MAP4K3: variants seen among roughly 807,000 people sequenced by gnomAD.
The protein encoded by MAP4K3 is MAPK/ERK kinase kinase kinase 3.
MAP4K3 carries 94 observed loss-of-function variants against 143.5 expected under a neutral mutation model. The observed-to-expected ratio is 0.65, with a 90% CI of 0.55 to 0.78. The LOEUF (loss-of-function observed/expected upper bound fraction) is 0.78. Ranked by LOEUF, MAP4K3 falls within the 30% of genes least tolerant of loss-of-function variation. The pLI, the probability that MAP4K3 is intolerant of heterozygous loss-of-function variation, is 0.00. For synonymous variants in MAP4K3, 416 were observed against 347.2 expected (o/e 1.20, Z -2.20); for missense variants, 1,077 against 1,068.1 (o/e 1.01, Z -0.12).
intron 7 of MAP4K3, 121 bp from the exon 8 acceptor site, chr2:39,332,110 T>A: frequency 2.0e-6 from 1 of 504,370 alleles, no homozygotes. Flanking sequence ...ATACGGGATA[T>A]TCTCAAACAT....
At chr2:39,345,340 C>A in intron 3 of MAP4K3, among the ~76,000 whole-genome samples, 1 of 151,910 alleles carries the variant, frequency 6.6e-6, no homozygotes, top group Non-Finnish European at 1.5e-5. Context: ...TTATTTGAGC[C>A]CAGGAGTTCG....
chr2:39,327,718 A>G (rs892690910), intron 8 of MAP4K3, among the ~76,000 whole-genome samples: 49 of 151,664 alleles, frequency 3.2e-4, no homozygotes, highest in African/African-American at 1.1e-3. Flanking sequence ...TTAAATTACT[A>G]TAAGAAAAGC....
chr2:39,255,917 T>C (rs1573058019), intron 31 of MAP4K3, among the ~76,000 whole-genome samples: 1 of 152,194 alleles, frequency 6.6e-6, no homozygotes, highest in South Asian at 2.1e-4. Flanking sequence ...GTGGATTAAC[T>C]GAAGAACTGG....
chr2:39,254,311 G>A lies in MAP4K3; in HGVS notation c.2541+139C>T, dbSNP rs921505938. On this transcript the variant is annotated intron_variant, in intron 32 of 33. Coordinates refer to ENST00000263881, the MANE Select transcript of MAP4K3 (RefSeq NM_003618.4). ...AGGTGGACATAGAGTATGGGCTACT[G>A]ACTTTATCAATAGACTAAATACAGT... 1.1e-5 allele frequency: 7 copies of A among 638,816 alleles called. No individual in the cohort carries two copies. The East Asian group carries it at 1.6e-4, about 15-fold the overall frequency. The allele number at this position is 638,816 out of a possible 1,614,324, so 39.6% of individuals were successfully genotyped here.
intron 16 of MAP4K3, chr2:39,294,157 C>T (rs757115246): frequency 5.9e-5 from 9 of 152,122 alleles, no homozygotes; most frequent in Non-Finnish European, 1.3e-4. Flanking sequence ...GTTTTACTCT[C>T]CCTAAAAGTT....
intron 15 of MAP4K3, among the ~76,000 whole-genome samples, chr2:39,304,881 G>C (rs1682642513): frequency 1.3e-5 from 2 of 152,130 alleles, no homozygotes; most frequent in Non-Finnish European, 2.9e-5. Flanking sequence ...GCCTTAAAAA[G>C]GAAATTCTGA....
At chr2:39,299,898 C>T in intron 15 of MAP4K3, 97 bp from the exon 16 acceptor site, 1 of 439,936 alleles carries the variant, frequency 2.3e-6, no homozygotes, top group Admixed American at 4.3e-5. Flanking sequence ...AAAGATAAGT[C>T]CCAGACCCCC....
intron 28 of MAP4K3, among the ~76,000 whole-genome samples, chr2:39,264,621 G>GT (rs1211160592): frequency 6.6e-6 from 1 of 152,112 alleles, no homozygotes; most frequent in Non-Finnish European, 1.5e-5. Flanking sequence ...AATTCATTTG[G>GT]TATTTCCTTG....
Position 39,333,444 on chromosome 2 carries a change from G to A in MAP4K3, c.457+88C>T, listed in dbSNP as rs964462141. ...AATACACAGATGCCGTCTTAGGAGA[G>A]GGAAAACCTGGTCCTACAAAGGAAA... On this transcript the variant is annotated intron_variant, in intron 7 of 33. Coordinates refer to ENST00000263881, the MANE Select transcript of MAP4K3 (RefSeq NM_003618.4). 29 of 998,344 alleles carry A rather than the reference G, an allele frequency of 2.9e-5. No individual in the cohort carries two copies. In the African/African-American group the frequency reaches 3.7e-4, roughly 13 times the overall value. The allele number at this position is 998,344 out of a possible 1,614,324, so 61.8% of individuals were successfully genotyped here. A position where few individuals can be genotyped will look rare whatever the true frequency, so the allele number is the denominator to read the frequency against.
chr2:39,422,692 G>GTTTC (rs1667580744), intron 1 of MAP4K3, among the ~76,000 whole-genome samples: 2 of 152,084 alleles, frequency 1.3e-5, no homozygotes, highest in Admixed American at 1.3e-4. Context: ...AATAGTACTG[G>GTTTC]AACAACTGTA....
chr2:39,308,585 A>C (rs1357148311), intron 14 of MAP4K3, among the ~76,000 whole-genome samples: 1 of 152,174 alleles, frequency 6.6e-6, no homozygotes. Flanking sequence ...AAAATGAAAC[A>C]GACATCATAT....
intron 6 of MAP4K3, among the ~76,000 whole-genome samples, chr2:39,333,817 T>A (rs1683765005): frequency 6.6e-6 from 1 of 152,162 alleles, no homozygotes; most frequent in Non-Finnish European, 1.5e-5. Flanking sequence ...ATAGTATGAA[T>A]GTTAATATAA....
rs553820945 is a variant in MAP4K3 at position 39,408,464 on chromosome 2, G to A, written c.96+28428C>T. Among the ~76,000 whole-genome samples, 15 of 152,284 alleles carry A rather than the reference G, an allele frequency of 9.9e-5. No homozygotes were observed. In the South Asian group the frequency reaches 3.1e-3, roughly 32 times the overall value. On this transcript the variant is annotated intron_variant, in intron 1 of 33. Coordinates refer to ENST00000263881, the MANE Select transcript of MAP4K3 (RefSeq NM_003618.4). The stretch of plus-strand genomic sequence containing the variant: ...CACCAACAGAGAGAATGTCATGAAT[G>A]TCTGGAAGAATTTCATCATTGAAGA...
chr2:39,333,717 T>A (rs1683756705), intron 6 of MAP4K3, 143 bp from the exon 7 acceptor site: 1 of 489,088 alleles, frequency 2.0e-6, no homozygotes, highest in Non-Finnish European at 3.6e-6. Context: ...TGTCGTATCA[T>A]TAGAGTCATA....
chr2:39,260,974 A>G (rs889789900), intron 28 of MAP4K3, 197 bp from the exon 29 acceptor site: 7 of 489,858 alleles, frequency 1.4e-5, no homozygotes, highest in Non-Finnish European at 2.2e-5. Flanking sequence ...TAAAGTTATA[A>G]TTACATGATT....
intron 8 of MAP4K3, among the ~76,000 whole-genome samples, chr2:39,328,483 G>T (rs1163598968): frequency 6.6e-6 from 1 of 152,166 alleles, no homozygotes; most frequent in Non-Finnish European, 1.5e-5. Flanking sequence ...CAGATTATAT[G>T]ATTCCATTTC....
intron 13 of MAP4K3, among the ~76,000 whole-genome samples, chr2:39,313,266 T>C (rs1016785158): frequency 1.3e-5 from 2 of 152,196 alleles, no homozygotes; most frequent in African/African-American, 4.8e-5. Flanking sequence ...AGGTTTGTTG[T>C]ATAGGTAAAC....
At chr2:39,318,232 T>C (rs1017367586) in intron 12 of MAP4K3, among the ~76,000 whole-genome samples, 4 of 151,896 alleles carry the variant, frequency 2.6e-5, no homozygotes, top group African/African-American at 7.3e-5. Flanking sequence ...ACAATAGACA[T>C]AGGGGCCAAC....
chr2:39,413,167 AAGTT>A (rs1402398615), intron 1 of MAP4K3, among the ~76,000 whole-genome samples: 2 of 152,324 alleles, frequency 1.3e-5, no homozygotes, highest in South Asian at 2.1e-4. Context: ...CATGCAGTAA[AAGTT>A]AGAGAGTCAG....
Sources: allele counts gnomAD v4.1 joint callset (sites outside exome capture counted in the v4.1 genomes callset), GRCh38; gene constraint gnomAD v4.1.1; transcripts MANE v1.5; gene names NCBI Gene and HGNC (gene_info 2026-07-23, HGNC 2026-07-21).